GPC6: variants seen among roughly 807,000 people sequenced by gnomAD.
GPC6 encodes glypican 6, also known as glypican-6.
In GPC6, 14 loss-of-function variants were observed where a neutral mutation model predicts 55.2. The observed-to-expected ratio is 0.25, with a 90% CI of 0.17 to 0.40. The LOEUF (loss-of-function observed/expected upper bound fraction) is 0.40. Among genes scored for constraint, GPC6 ranks in the 10% least tolerant of loss-of-function variants. GPC6 has a pLI of 1.00. For synonymous variants in GPC6, 278 were observed against 259.6 expected, an observed-to-expected ratio of 1.07 and a Z score of -0.68; for missense variants, 641 against 708.5, an observed-to-expected ratio of 0.90 and a Z score of 1.08.
chr13:93,870,134 A>G (rs1889085701), intron 3 of GPC6, among the ~76,000 whole-genome samples: 1 of 151,860 alleles, frequency 6.6e-6, no homozygotes, highest in African/African-American at 2.4e-5. Context: ...CACTTTCTTC[A>G]TTATCTCTTC....
At chr13:93,225,515 T>G (rs1875747625), upstream of GPC6, among the ~76,000 whole-genome samples, 1 of 98,354 alleles carries the variant, frequency 1.0e-5, no homozygotes, top group South Asian at 3.6e-4. Context: ...TTTGTTTTTT[T>G]TTTTTTTGGT....
chr13:93,663,203 T>C (rs567398076), intron 2 of GPC6, among the ~76,000 whole-genome samples: 1 of 152,288 alleles, frequency 6.6e-6, no homozygotes, highest in Non-Finnish European at 1.5e-5. Flanking sequence ...TAATTTTTTT[T>C]CCTGATAAGT....
chr13:94,050,950 A>G (rs1883926500), intron 4 of GPC6, among the ~76,000 whole-genome samples: 1 of 152,136 alleles, frequency 6.6e-6, no homozygotes, highest in Non-Finnish European at 1.5e-5. Flanking sequence ...TCATGAGCTG[A>G]ACCAGGGCAA....
rs5805837 is a variant in GPC6, at chr13:93,965,106, G to GTTTT, written c.712-62600_712-62597dup. On this transcript the variant is annotated intron_variant, in intron 3 of 8. Transcript: ENST00000377047. Reference sequence around the variant, plus strand: ...AGTATTTGGGAAACACTATGAGTTTGTTTTTTTTTTTTTTTTTTTTTTTTT... The same window carrying GTTTT: ...AGTATTTGGGAAACACTATGAGTTTGTTTTTTTTTTTTTTTTTTTTTTTTTTTTT... Among the ~76,000 whole-genome samples, 4 of 67,294 alleles carry GTTTT rather than the reference G, an allele frequency of 5.9e-5. 1 individual carries two copies. The highest frequency in any genetic ancestry group is 1.9e-4 in the Admixed American group (1 of 5,316). 44.1% of individuals were successfully genotyped at this position (67,294 alleles called of 152,430 possible). A position where few individuals can be genotyped will look rare whatever the true frequency, so the allele number is the denominator to read the frequency against.
At chr13:93,834,672 A>AT (rs1026406229) in intron 3 of GPC6, among the ~76,000 whole-genome samples, 11 of 152,092 alleles carry the variant, frequency 7.2e-5, no homozygotes, top group Admixed American at 7.2e-4. Context: ...ATGTAGAAAG[A>AT]TTTTACCATT....
At chr13:94,348,269 C>T (rs1878381780) in intron 6 of GPC6, among the ~76,000 whole-genome samples, 1 of 152,202 alleles carries the variant, frequency 6.6e-6, no homozygotes, top group African/African-American at 2.4e-5. Flanking sequence ...GACCTTTTGC[C>T]ATTCACCTGT....
intron 2 of GPC6, among the ~76,000 whole-genome samples, chr13:93,792,930 A>T (rs1886091665): frequency 1.3e-5 from 2 of 152,184 alleles, no homozygotes; most frequent in African/African-American, 4.8e-5. Flanking sequence ...CTTGCTAGCC[A>T]TGCGACCCTG....
intron 1 of GPC6, among the ~76,000 whole-genome samples, chr13:93,500,515 C>G (rs567807890): frequency 5.5e-3 from 69 of 12,578 alleles, no homozygotes; most frequent in African/African-American, 8.7e-3. Context: ...GAAAGGCATC[C>G]AAACTGCAAA....
intron 3 of GPC6, among the ~76,000 whole-genome samples, chr13:93,860,719 T>C (rs1261346718): frequency 6.6e-6 from 1 of 151,648 alleles, no homozygotes; most frequent in African/African-American, 2.4e-5. Flanking sequence ...GTGTATGTGT[T>C]ACATGAAAAA....
chr13:93,598,801 G>A (rs978807705), intron 2 of GPC6, among the ~76,000 whole-genome samples: 9 of 152,124 alleles, frequency 5.9e-5, no homozygotes, highest in Non-Finnish European at 1.2e-4. Context: ...ACAAGTAAAT[G>A]CTAATTCAAA....
chr13:93,437,555 C>A (rs556054098), intron 1 of GPC6, among the ~76,000 whole-genome samples: 5 of 152,286 alleles, frequency 3.3e-5, no homozygotes, highest in Admixed American at 3.3e-4. Context: ...CACAACATTT[C>A]CTTCAGTCAA....
intron 2 of GPC6, among the ~76,000 whole-genome samples, chr13:93,785,625 G>C (rs1795010425): frequency 6.6e-6 from 1 of 152,080 alleles, no homozygotes; most frequent in African/African-American, 2.4e-5. Flanking sequence ...ATTGTTTTCT[G>C]GTTTTAAACT....
intron 4 of GPC6, among the ~76,000 whole-genome samples, chr13:94,104,579 C>A (rs1460142698): frequency 6.6e-6 from 1 of 152,174 alleles, no homozygotes; most frequent in Non-Finnish European, 1.5e-5. Flanking sequence ...CCCATCGTCT[C>A]AGCCCAAAAT....
At chr13:94,266,392 T>C (rs9516376) in intron 4 of GPC6, among the ~76,000 whole-genome samples, 98,427 of 151,490 alleles carry the variant, frequency 0.65, 32,532 homozygotes, top group African/African-American at 0.77. Flanking sequence ...ATGGTCTCGA[T>C]CTCCTGACCT....
At chr13:94,234,639 T>C (rs561624546) in intron 4 of GPC6, among the ~76,000 whole-genome samples, 5 of 152,192 alleles carry the variant, frequency 3.3e-5, no homozygotes, top group Middle Eastern at 3.4e-3. Flanking sequence ...CCCTTAAAGC[T>C]TGTTTTATGA....
At chr13:93,752,486 T>C (rs1027454612) in intron 2 of GPC6, among the ~76,000 whole-genome samples, 6 of 151,798 alleles carry the variant, frequency 4.0e-5, no homozygotes, top group Non-Finnish European at 5.9e-5. Context: ...AGGTAGCACT[T>C]AGGAATAATC....
In GPC6 at chr13:94,063,000, G is replaced by A. The variant is rs1429151810; in HGVS notation, c.877+35106G>A. The stretch of plus-strand genomic sequence containing the variant: ...TGTTTTTCTTCCAGCCGCTAGGCAC[G>A]GGGTCAGGTGTCATTCTCCTGGGCG... On this transcript the variant is annotated intron_variant, in intron 4 of 8. Coordinates refer to ENST00000377047, the MANE Select transcript of GPC6 (RefSeq NM_005708.5). 5.9e-5 allele frequency among the ~76,000 whole-genome samples: 9 copies of A among 152,172 alleles called. No individual in the cohort carries two copies. The East Asian group carries it at 7.7e-4, about 13-fold the overall frequency.
intron 4 of GPC6, among the ~76,000 whole-genome samples, chr13:94,053,405 A>G (rs541673533): frequency 2.0e-5 from 3 of 152,314 alleles, no homozygotes; most frequent in South Asian, 4.1e-4. Context: ...ACATGAAATC[A>G]TGAGCTTTTG....
chr13:93,415,936 A>G (rs1876681427), intron 1 of GPC6, among the ~76,000 whole-genome samples: 1 of 152,098 alleles, frequency 6.6e-6, no homozygotes, highest in Non-Finnish European at 1.5e-5. Context: ...TATATTTGAT[A>G]TGTTCAGTTT....
Sources: allele counts gnomAD v4.1 joint callset (sites outside exome capture counted in the v4.1 genomes callset), GRCh38; gene constraint gnomAD v4.1.1; transcripts MANE v1.5; gene names NCBI Gene and HGNC (gene_info 2026-07-23, HGNC 2026-07-21).